Variants in SAMD4A observed in about 807,000 individuals in gnomAD.
SAMD4A encodes the protein sterile alpha motif domain containing 4A, also known as protein Smaug homolog 1.
SAMD4A carries 33 observed loss-of-function variants against 81.3 expected under a neutral mutation model. That is an observed-to-expected ratio of 0.41 (90% CI 0.31 to 0.54). The LOEUF is 0.54. SAMD4A is among the 20% of genes least tolerant of loss of function. The pLI is 0.37. For missense variants in SAMD4A, 854 were observed against 951.1 expected (o/e 0.90, Z 1.34); for synonymous variants, 389 against 382.1 (o/e 1.02, Z -0.21).
chr14:54,740,494 T>C (rs1353118558), intron 4 of SAMD4A, among the ~76,000 whole-genome samples: 1 of 152,236 alleles, frequency 6.6e-6, no homozygotes, highest in Non-Finnish European at 1.5e-5. Flanking sequence ...AAAGTTACTA[T>C]AGTTGAACTT....
In SAMD4A at chr14:54,567,977, G is replaced by A; in HGVS notation, c.61G>A (p.Glu21Lys). ...AGWFKGWNEC[E>K]QTVALLSLLK... is the part of the protein sequence containing the mutation. The stretch of plus-strand genomic sequence containing the variant: ...CTGGTTTAAGGGCTGGAACGAGTGC[G>A]AGCAGACTGTTGCGCTGCTGTCGCT... Residue 21 changes from glutamate to lysine, a missense_variant, in exon 2 of 13, where the codon GAG becomes AAG. By Grantham distance (56) the Glu-to-Lys change is moderately conservative. Coordinates refer to ENST00000554335, the MANE Select transcript of SAMD4A (RefSeq NM_015589.6). 6.2e-7 allele frequency: 1 copy of A among 1,610,482 alleles called. No individual in the cohort carries two copies. The highest frequency in any genetic ancestry group is 8.5e-7 in the Non-Finnish European group (1 of 1,179,630).
At chr14:54,694,587 G>A (rs923505607) in intron 2 of SAMD4A, 13 of 982,834 alleles carry the variant, frequency 1.3e-5, no homozygotes, top group Non-Finnish European at 1.6e-5. Flanking sequence ...GAGAAACCTG[G>A]GCTGGAAATA....
intron 2 of SAMD4A, among the ~76,000 whole-genome samples, chr14:54,670,516 A>T (rs1263841113): frequency 6.6e-6 from 1 of 152,230 alleles, no homozygotes; most frequent in Admixed American, 6.5e-5. Context: ...AAGCCTCAGC[A>T]TTATGTTTTA....
intron 2 of SAMD4A, among the ~76,000 whole-genome samples, chr14:54,686,035 C>T (rs534864972): frequency 7.3e-4 from 111 of 152,316 alleles, no homozygotes; most frequent in Non-Finnish European, 1.0e-3. Flanking sequence ...TTCTAAGCTC[C>T]AGCGAAAGCT....
chr14:54,687,230 C>T, intron 2 of SAMD4A: 1 of 392,314 alleles, frequency 2.5e-6, no homozygotes, highest in South Asian at 1.9e-5. Context: ...TGTCATCTTG[C>T]AAAATAAGAA....
chr14:54,634,507 G>T (rs570462213), intron 2 of SAMD4A, among the ~76,000 whole-genome samples: 5 of 152,188 alleles, frequency 3.3e-5, no homozygotes, highest in African/African-American at 1.2e-4. Flanking sequence ...TGGTCATAAG[G>T]AGTGTGCAAC....
At chr14:54,765,828 A>G (rs1342280110) in intron 8 of SAMD4A, among the ~76,000 whole-genome samples, 1 of 151,050 alleles carries the variant, frequency 6.6e-6, no homozygotes, top group Non-Finnish European at 1.5e-5. Flanking sequence ...GCCCTCACCC[A>G]CTACCCACAC....
At chr14:54,715,841 T>G (rs2037104531) in intron 3 of SAMD4A, among the ~76,000 whole-genome samples, 1 of 152,176 alleles carries the variant, frequency 6.6e-6, no homozygotes, top group South Asian at 2.1e-4. Context: ...CATGAGTTCC[T>G]TAGTCTCTGC....
At chr14:54,708,943 G>A (rs977171770) in intron 3 of SAMD4A, among the ~76,000 whole-genome samples, 8 of 152,130 alleles carry the variant, frequency 5.3e-5, no homozygotes, top group Non-Finnish European at 1.0e-4. Flanking sequence ...TGAGATGTTG[G>A]AGCACTGAGA....
chr14:54,741,574 T>C (rs1310880920), intron 4 of SAMD4A, among the ~76,000 whole-genome samples: 1 of 152,242 alleles, frequency 6.6e-6, no homozygotes, highest in East Asian at 1.9e-4. Context: ...CTACTGTTCC[T>C]GCCTGAAGCG....
At chr14:54,602,611 A>G (rs1437309022) in intron 2 of SAMD4A, among the ~76,000 whole-genome samples, 2 of 151,168 alleles carry the variant, frequency 1.3e-5, no homozygotes, top group Non-Finnish European at 2.9e-5. Flanking sequence ...GACTTAAGAC[A>G]TTCACCTTCG....
chr14:54,776,676 T>C (rs771339443), intron 11 of SAMD4A, 136 bp downstream of exon 11: 1 of 1,099,950 alleles, frequency 9.1e-7, no homozygotes, highest in African/African-American at 1.6e-5. Context: ...TTTCCTTTTT[T>C]AAACTGTGCC....
At chr14:54,576,168 A>G (rs1316560310) in intron 2 of SAMD4A, among the ~76,000 whole-genome samples, 1 of 151,966 alleles carries the variant, frequency 6.6e-6, no homozygotes, top group Non-Finnish European at 1.5e-5. Context: ...GGAATTTCTG[A>G]AGCAGTTTAT....
At chr14:54,724,849 A>T (rs1046886206) in intron 3 of SAMD4A, among the ~76,000 whole-genome samples, 4 of 152,232 alleles carry the variant, frequency 2.6e-5, no homozygotes, top group African/African-American at 9.6e-5. Flanking sequence ...TACTGGTATC[A>T]TAAGGCAGAC....
At chr14:54,771,916 GTGTT>G (rs1245884477) in intron 9 of SAMD4A, among the ~76,000 whole-genome samples, 1 of 152,218 alleles carries the variant, frequency 6.6e-6, no homozygotes, top group Admixed American at 6.5e-5. Context: ...CCTCTCCAGG[GTGTT>G]TGTTAGTAAC....
At chr14:54,682,201 G>C in intron 2 of SAMD4A, 1 of 318,746 alleles carries the variant, frequency 3.1e-6, no homozygotes, top group East Asian at 1.7e-4. Flanking sequence ...AGTTTATAGG[G>C]GAAGAGTCCA....
chr14:54,606,467 G>A (rs934000027), intron 2 of SAMD4A, among the ~76,000 whole-genome samples: 1 of 152,110 alleles, frequency 6.6e-6, no homozygotes, highest in African/African-American at 2.4e-5. Flanking sequence ...ATTGGGTGGC[G>A]GGGGGAGGAG....
chr14:54,764,609 TG>T (rs1181260336), intron 8 of SAMD4A, 69 bp downstream of exon 8: 1 of 1,038,292 alleles, frequency 9.6e-7, no homozygotes, highest in African/African-American at 1.6e-5. Flanking sequence ...AGAGTTTCTG[TG>T]ATGTGATCAT....
intron 7 of SAMD4A, among the ~76,000 whole-genome samples, chr14:54,763,400 G>C (rs78817751): frequency 5.3e-5 from 8 of 152,110 alleles, no homozygotes; most frequent in Non-Finnish European, 8.8e-5. Flanking sequence ...ATTTCTATCA[G>C]TACAAATAGC....
Sources: allele counts gnomAD v4.1 joint callset (sites outside exome capture counted in the v4.1 genomes callset), GRCh38; gene constraint gnomAD v4.1.1; transcripts MANE v1.5; gene names NCBI Gene and HGNC (gene_info 2026-07-23, HGNC 2026-07-21).